TNIP3: variants seen among roughly 807,000 people sequenced by gnomAD.
The protein encoded by TNIP3 is TNFAIP3 interacting protein 3, also known as TNFAIP3-interacting protein 3.
In TNIP3, 34 loss-of-function variants were observed where a neutral mutation model predicts 54.1. That is an observed-to-expected ratio of 0.63 (90% CI 0.48 to 0.84). TNIP3 has a LOEUF of 0.84. Ranked by LOEUF, TNIP3 falls within the 40% of genes least tolerant of loss-of-function variation. The pLI, the probability that TNIP3 is intolerant of heterozygous loss-of-function variation, is 0.00. For synonymous variants in TNIP3, 134 were observed against 136.8 expected, an observed-to-expected ratio of 0.98 and a Z score of 0.14; for missense variants, 366 against 387.6, an observed-to-expected ratio of 0.94 and a Z score of 0.47.
At chr4:121,192,459 C>T (rs1725352254) in intron 2 of TNIP3, among the ~76,000 whole-genome samples, 1 of 152,266 alleles carries the variant, frequency 6.6e-6, no homozygotes, top group Non-Finnish European at 1.5e-5. Flanking sequence ...GTTTGAGATG[C>T]TACAAAATAT....
In TNIP3 at chr4:121,154,601, C is replaced by T. The variant is rs1729969761; in HGVS notation, c.442G>A (p.Ala148Thr). The change falls in exon 5 of 11, where the codon GCG (alanine) becomes ACG (threonine). Residue 148 changes from alanine (A) to threonine (T), a missense_variant. Physicochemically the swap from Ala to Thr is moderately conservative, Grantham distance 58 (BLOSUM62 0). Coordinates refer to ENST00000057513, the MANE Select transcript of TNIP3 (RefSeq NM_024873.6). ...TCGTAATGTTCCTTTTCCTTGTTCGCAAGAGTATTTTTTCCCTTTAAAAGT... is the reference window on the plus strand; with the variant it reads ...TCGTAATGTTCCTTTTCCTTGTTCGTAAGAGTATTTTTTCCCTTTAAAAGT... Reference protein sequence around the residue: ...NKLLKGKNTLANKEKEHYECE... With the variant: ...NKLLKGKNTLTNKEKEHYECE... The T allele has an allele frequency of 6.2e-7, 1 of 1,613,694 alleles. No homozygotes were observed.
At chr4:121,155,295 T>C (rs953503310) in intron 4 of TNIP3, among the ~76,000 whole-genome samples, 2 of 152,134 alleles carry the variant, frequency 1.3e-5, no homozygotes, top group Admixed American at 1.3e-4. Context: ...AGTCCTTATA[T>C]ACTGTCACTA....
chr4:121,152,844 A>G (rs192457009), intron 5 of TNIP3, among the ~76,000 whole-genome samples: 5 of 152,328 alleles, frequency 3.3e-5, no homozygotes, highest in Admixed American at 2.6e-4. Context: ...TGGGTCCCTA[A>G]CAGTACTGTA....
intron 2 of TNIP3, chr4:121,216,408 T>C (rs1383335182): frequency 6.5e-7 from 1 of 1,533,740 alleles, no homozygotes; most frequent in Admixed American, 2.0e-5. Context: ...AAATAAACTG[T>C]TATTACCTTT....
intron 1 of TNIP3, among the ~76,000 whole-genome samples, chr4:121,222,962 C>A (rs113690080): frequency 0.013 from 2,041 of 152,050 alleles, 46 homozygotes; most frequent in African/African-American, 0.047. Flanking sequence ...CCCACCACCA[C>A]GCCCGCCTAA....
chr4:121,202,177 G>A (rs1404015034), intron 2 of TNIP3, among the ~76,000 whole-genome samples: 2 of 152,028 alleles, frequency 1.3e-5, no homozygotes, highest in Non-Finnish European at 2.9e-5. Context: ...AGGCCATAGT[G>A]ACCTGACAAA....
At chr4:121,184,851 T>G (rs934625116) in intron 2 of TNIP3, among the ~76,000 whole-genome samples, 1 of 152,176 alleles carries the variant, frequency 6.6e-6, no homozygotes, top group African/African-American at 2.4e-5. Context: ...TGCATAACAA[T>G]GAGTTTGGAC....
chr4:121,170,545 T>C (rs1304298120), intron 3 of TNIP3, among the ~76,000 whole-genome samples: 2 of 152,172 alleles, frequency 1.3e-5, no homozygotes, highest in Non-Finnish European at 1.5e-5. Context: ...TTTGGTTACA[T>C]GGTCAATAGT....
rs907423042 is a variant in TNIP3, at chr4:121,176,658, T to A, written c.189+6018A>T. Among the ~76,000 whole-genome samples, 4 of 145,400 alleles carry A rather than the reference T, an allele frequency of 2.8e-5. 1 individual carries two copies. ...ACAGATAAGAAAACAAGATTTTGATTAAAAAAAAAACAGCTTTCAAAAAAA... is the reference window on the plus strand; with the variant it reads ...ACAGATAAGAAAACAAGATTTTGATAAAAAAAAAAACAGCTTTCAAAAAAA... On this transcript the variant is annotated intron_variant, in intron 3 of 12. Coordinates refer to the TNIP3 transcript ENST00000507879.
intron 2 of TNIP3, among the ~76,000 whole-genome samples, chr4:121,213,948 G>A (rs1726634424): frequency 1.3e-5 from 2 of 152,078 alleles, no homozygotes; most frequent in South Asian, 2.1e-4. Context: ...AAAACATCAT[G>A]TTTACTTTGA....
chr4:121,167,588 T>TA (rs1324216779), upstream of TNIP3, among the ~76,000 whole-genome samples: 2 of 152,300 alleles, frequency 1.3e-5, no homozygotes, highest in South Asian at 4.1e-4. Context: ...GATGAAATCA[T>TA]AAAAGATTTT....
chr4:121,135,681 G>A (rs937317526), intron 10 of TNIP3, among the ~76,000 whole-genome samples: 1 of 152,198 alleles, frequency 6.6e-6, no homozygotes, highest in African/African-American at 2.4e-5. Flanking sequence ...TTATAGGCAT[G>A]AGCCACCACT....
At chr4:121,185,740 G>A (rs1287405498) in intron 2 of TNIP3, among the ~76,000 whole-genome samples, 1 of 152,184 alleles carries the variant, frequency 6.6e-6, no homozygotes, top group Non-Finnish European at 1.5e-5. Flanking sequence ...AGTAAGCAAG[G>A]AAACACTAGC....
intron 2 of TNIP3, among the ~76,000 whole-genome samples, chr4:121,215,628 T>C (rs1579507286): frequency 6.6e-6 from 1 of 152,242 alleles, no homozygotes; most frequent in Non-Finnish European, 1.5e-5. Context: ...TGTTTCTCTT[T>C]ACCAGAAATT....
intron 9 of TNIP3, among the ~76,000 whole-genome samples, chr4:121,140,966 G>C (rs1169385691): frequency 3.3e-5 from 5 of 152,134 alleles, no homozygotes; most frequent in African/African-American, 1.2e-4. Context: ...TCGAACAAAA[G>C]TATGAGAACT....
chr4:121,219,070 T>G (rs1287354361), upstream of TNIP3, among the ~76,000 whole-genome samples: 1 of 151,872 alleles, frequency 6.6e-6, no homozygotes, highest in South Asian at 2.1e-4. Flanking sequence ...TGTGGTGGTG[T>G]GCACCTGTAA....
Position 121,213,361 on chromosome 4 carries a change from T to G in TNIP3, c.68+3054A>C, listed in dbSNP as rs548249714. 1.8e-4 allele frequency among the ~76,000 whole-genome samples: 28 copies of G among 152,326 alleles called. No individual in the cohort carries two copies. The South Asian group carries it at 5.6e-3, about 30-fold the overall frequency. On this transcript the variant is annotated intron_variant, in intron 2 of 12. Transcript: ENST00000507879. ...AGATGAGCTCTACTTCAGATTAAAA[T>G]GAATCATAGTCATTTTTCTTGCATG...
chr4:121,147,154 G>C lies in TNIP3; in HGVS notation c.630C>G (p.Asp210Glu). Reference sequence around the variant, plus strand: ...CTCGATCCGATCGTTCCTTTTTGAAGTCTTCTTCGTATATTTGCACCTAAG... The same window carrying C: ...CTCGATCCGATCGTTCCTTTTTGAACTCTTCTTCGTATATTTGCACCTAAG... The part of the protein sequence containing the change: ...LKQQVQIYEE[D>E]FKKERSDRER... The change falls in exon 7 of 11, where the codon GAC becomes GAG. Residue 210 changes from aspartate to glutamate, a missense_variant. Transcript: ENST00000057513. The C allele has an allele frequency of 1.2e-6, 2 of 1,611,366 alleles. No individual in the cohort carries two copies. Among genetic ancestry groups the C allele is most frequent in the Non-Finnish European group, 1.7e-6 (2 of 1,178,968 alleles).
At chr4:121,174,956 C>A (rs1252535041) in intron 3 of TNIP3, among the ~76,000 whole-genome samples, 1 of 152,148 alleles carries the variant, frequency 6.6e-6, no homozygotes. Flanking sequence ...AGAAAGAAGG[C>A]TTATTGATGC....
Sources: allele counts gnomAD v4.1 joint callset (sites outside exome capture counted in the v4.1 genomes callset), GRCh38; gene constraint gnomAD v4.1.1; transcripts MANE v1.5; gene names NCBI Gene and HGNC (gene_info 2026-07-23, HGNC 2026-07-21).